Variants in SLC4A10 observed in about 807,000 individuals in gnomAD.
The protein encoded by SLC4A10 is sodium-driven chloride bicarbonate exchanger.
SLC4A10 carries 42 observed loss-of-function variants against 137.7 expected under a neutral mutation model. The ratio of observed to expected loss-of-function variants is 0.30; its 90% CI spans 0.24 to 0.39. The LOEUF (loss-of-function observed/expected upper bound fraction) is 0.39, where lower values mean the gene tolerates loss of function less well. Among genes scored for constraint, SLC4A10 ranks in the 10% least tolerant of loss-of-function variants. The probability of loss-of-function intolerance (pLI) is 1.00; values close to 1 mark genes in which losing one functional copy is unlikely to be tolerated. For missense variants in SLC4A10, 925 were observed against 1,355.0 expected, an observed-to-expected ratio of 0.68 and a Z score of 4.98; for synonymous variants, 474 against 464.1, an observed-to-expected ratio of 1.02 and a Z score of -0.27.
At chr2:161,751,905 A>G (rs916030185) in intron 1 of SLC4A10, among the ~76,000 whole-genome samples, 1 of 151,960 alleles carries the variant, frequency 6.6e-6, no homozygotes, top group Admixed American at 6.6e-5. Context: ...TTACTCAAGT[A>G]CATCTTTATA....
At chr2:161,756,948 A>G (rs368010406) in intron 1 of SLC4A10, among the ~76,000 whole-genome samples, 1 of 152,276 alleles carries the variant, frequency 6.6e-6, no homozygotes, top group East Asian at 1.9e-4. Context: ...TGCTAATGTT[A>G]TTTATGTGGC....
chr2:161,849,788 CTGGA>C (rs1018426477), intron 4 of SLC4A10, among the ~76,000 whole-genome samples: 25 of 152,138 alleles, frequency 1.6e-4, no homozygotes, highest in African/African-American at 5.8e-4. Context: ...TGATGTGCTG[CTGGA>C]TTTGGTTTGC....
At chr2:161,827,038 C>T (rs2058060545) in intron 3 of SLC4A10, among the ~76,000 whole-genome samples, 1 of 152,184 alleles carries the variant, frequency 6.6e-6, no homozygotes, top group Admixed American at 6.5e-5. Flanking sequence ...TTATTCACTA[C>T]TTAGTATGGT....
At chr2:161,795,407 A>C (rs985277827) in intron 2 of SLC4A10, among the ~76,000 whole-genome samples, 3 of 152,128 alleles carry the variant, frequency 2.0e-5, no homozygotes, top group Non-Finnish European at 4.4e-5. Flanking sequence ...GATGACTGAC[A>C]TGTAAAAAGC....
rs568924941 is a variant in SLC4A10, at chr2:161,857,887, A to G, written c.577+2757A>G. ...ATAATTTTTTTATTAACCTATAATC[A>G]TAATATTTGGGGATGGGATCTCCTA... On this transcript the variant is annotated intron_variant, in intron 5 of 26. Transcript: ENST00000446997. Among the ~76,000 whole-genome samples the G allele has an allele frequency of 2.0e-5, 3 of 152,276 alleles. 1 individual carries two copies. Among genetic ancestry groups the G allele is most frequent in the African/African-American group, 4.8e-5 (2 of 41,568 alleles).
chr2:161,858,167 A>G (rs1239109009), intron 5 of SLC4A10, among the ~76,000 whole-genome samples: 1 of 152,196 alleles, frequency 6.6e-6, no homozygotes, highest in Non-Finnish European at 1.5e-5. Flanking sequence ...ACAAACGCTA[A>G]GTGTAAGAGC....
intron 2 of SLC4A10, among the ~76,000 whole-genome samples, chr2:161,800,928 G>A (rs1372443077): frequency 6.6e-6 from 1 of 152,032 alleles, no homozygotes; most frequent in Non-Finnish European, 1.5e-5. Flanking sequence ...AGAACTGTGG[G>A]AGAGAAGCAG....
chr2:161,915,060 C>T (rs1686809648), intron 15 of SLC4A10, among the ~76,000 whole-genome samples: 1 of 152,050 alleles, frequency 6.6e-6, no homozygotes, highest in Non-Finnish European at 1.5e-5. Flanking sequence ...CTACCTAAGG[C>T]CCACCCAACA....
chr2:161,697,224 A>C (rs2042610781), intron 1 of SLC4A10, among the ~76,000 whole-genome samples: 1 of 151,404 alleles, frequency 6.6e-6, no homozygotes, highest in Non-Finnish European at 1.5e-5. Flanking sequence ...TCAGATGAGT[A>C]GGTTGCAAAA....
chr2:161,693,612 T>C (rs2042208477), intron 1 of SLC4A10, among the ~76,000 whole-genome samples: 1 of 151,232 alleles, frequency 6.6e-6, no homozygotes, highest in African/African-American at 2.4e-5. Flanking sequence ...CTCCTCATTT[T>C]CCCCACCCTT....
intron 1 of SLC4A10, among the ~76,000 whole-genome samples, chr2:161,737,292 A>G (rs2047441370): frequency 6.6e-6 from 1 of 152,212 alleles, no homozygotes; most frequent in Admixed American, 6.5e-5. Context: ...CCTTTTAGTT[A>G]AAATTACTGA....
At chr2:161,797,442 C>T (rs1367512073) in intron 2 of SLC4A10, among the ~76,000 whole-genome samples, 2 of 152,010 alleles carry the variant, frequency 1.3e-5, no homozygotes, top group Non-Finnish European at 2.9e-5. Context: ...ACATTTGCCT[C>T]ATTACAGGTT....
intron 1 of SLC4A10, among the ~76,000 whole-genome samples, chr2:161,646,448 G>C (rs916709239): frequency 3.9e-5 from 6 of 152,066 alleles, no homozygotes; most frequent in South Asian, 4.1e-4. Flanking sequence ...TCTCTAACTT[G>C]TTTGAATTAT....
At chr2:161,698,900 T>C (rs2042840628) in intron 1 of SLC4A10, among the ~76,000 whole-genome samples, 1 of 152,216 alleles carries the variant, frequency 6.6e-6, no homozygotes, top group Non-Finnish European at 1.5e-5. Context: ...CTCCTCCTTG[T>C]ACCTCTGGTA....
At chr2:161,837,803 A>C (rs1340231680) in intron 3 of SLC4A10, among the ~76,000 whole-genome samples, 1 of 152,186 alleles carries the variant, frequency 6.6e-6, no homozygotes, top group African/African-American at 2.4e-5. Flanking sequence ...TTCTCACCCC[A>C]ATATGATGGT....
intron 15 of SLC4A10, among the ~76,000 whole-genome samples, chr2:161,934,843 A>G (rs1691279587): frequency 6.6e-6 from 1 of 151,618 alleles, no homozygotes; most frequent in South Asian, 2.1e-4. Context: ...TTAATCTCTT[A>G]TCAGATTTAT....
chr2:161,821,544 G>T (rs1298462615), intron 3 of SLC4A10, among the ~76,000 whole-genome samples: 3 of 152,154 alleles, frequency 2.0e-5, no homozygotes, highest in African/African-American at 7.2e-5. Flanking sequence ...TGAGAGAATT[G>T]CTTGAGCCCA....
At chr2:161,744,962 C>A (rs892302963) in intron 1 of SLC4A10, among the ~76,000 whole-genome samples, 1 of 152,084 alleles carries the variant, frequency 6.6e-6, no homozygotes, top group Non-Finnish European at 1.5e-5. Flanking sequence ...GCTTGTTGCT[C>A]ATTAACATCT....
In SLC4A10 at chr2:161,810,432, C is replaced by T. The variant is rs368218942; in HGVS notation, c.277+5837C>T. On this transcript the variant is annotated intron_variant, in intron 3 of 26. Transcript: ENST00000446997. ...ATAGGAGTGGTAAGAGTAGGCATCACTTTCTTGTTCTGGTTCTCCAGGGGA... is the reference window on the plus strand; with the variant it reads ...ATAGGAGTGGTAAGAGTAGGCATCATTTTCTTGTTCTGGTTCTCCAGGGGA... 6.1e-4 allele frequency among the ~76,000 whole-genome samples: 92 copies of T among 152,042 alleles called. No homozygotes were observed. In the South Asian group the frequency reaches 0.018, roughly 30 times the overall value.
Sources: allele counts gnomAD v4.1 joint callset (sites outside exome capture counted in the v4.1 genomes callset), GRCh38; gene constraint gnomAD v4.1.1; transcripts MANE v1.5; gene names NCBI Gene and HGNC (gene_info 2026-07-23, HGNC 2026-07-21).